ZFPM1: variants seen among roughly 807,000 people sequenced by gnomAD.
ZFPM1 encodes the protein zinc finger protein, FOG family member 1, also known as zinc finger protein ZFPM1.
In ZFPM1, 28 loss-of-function variants were observed where a neutral mutation model predicts 46.3. The observed-to-expected ratio is 0.60, with a 90% CI of 0.45 to 0.83. The LOEUF (loss-of-function observed/expected upper bound fraction) is 0.83, where lower values mean the gene tolerates loss of function less well. ZFPM1 is among the 40% of genes least tolerant of loss of function. ZFPM1 has a pLI of 0.00. For missense variants in ZFPM1, 1,878 were observed against 1,432.4 expected, an observed-to-expected ratio of 1.31 and a Z score of -5.02; for synonymous variants, 957 against 675.9, an observed-to-expected ratio of 1.42 and a Z score of -6.45.
intron 3 of ZFPM1, among the ~76,000 whole-genome samples, chr16:88,495,301 G>C (rs755533434): frequency 3.9e-5 from 6 of 152,184 alleles, no homozygotes; most frequent in Non-Finnish European, 8.8e-5. Flanking sequence ...CGAAGAGCGT[G>C]GGGGCTGGAC....
chr16:88,453,810 C>T, intron 1 of ZFPM1, 132 bp downstream of exon 1: 2 of 491,192 alleles, frequency 4.1e-6, no homozygotes, highest in Non-Finnish European at 2.7e-6. Flanking sequence ...GCGCCCCCCG[C>T]GCTGTGCCAA....
intron 1 of ZFPM1, among the ~76,000 whole-genome samples, chr16:88,472,546 G>A (rs993193005): frequency 6.6e-6 from 1 of 152,090 alleles, no homozygotes; most frequent in African/African-American, 2.4e-5. Flanking sequence ...TAGAGACGGG[G>A]TTTCACCCTG....
chr16:88,488,601 G>A (rs374508736), intron 2 of ZFPM1, among the ~76,000 whole-genome samples: 62 of 152,248 alleles, frequency 4.1e-4, no homozygotes, highest in African/African-American at 1.3e-3. Flanking sequence ...TTATGGGATC[G>A]CATCGATCGG....
intron 3 of ZFPM1, among the ~76,000 whole-genome samples, chr16:88,502,197 TC>T (rs1205773013): frequency 6.6e-6 from 1 of 151,928 alleles, no homozygotes; most frequent in Non-Finnish European, 1.5e-5. Context: ...ATAAGATCGG[TC>T]CCCGGAGATG....
In ZFPM1 at chr16:88,526,800, CCCTCCCCCCCCAGAGCCCAG is replaced by C; in HGVS notation, c.403-11_411del. The C allele has an allele frequency of 8.0e-7, 1 of 1,255,734 alleles. No homozygotes were observed. The highest frequency in any genetic ancestry group is 1.1e-6 in the Non-Finnish European group (1 of 925,484). 77.8% of individuals were successfully genotyped at this position (1,255,734 alleles called of 1,614,324 possible). A position where few individuals can be genotyped will look rare whatever the true frequency, so the allele number is the denominator to read the frequency against. ...ACGGACCCCTCCCCACGTGTTCCTA[CCCTCCCCCCCCAGAGCCCAG>C]CCCTGACCCTGCTGCTGGTGGACGA... is the stretch of plus-strand genomic sequence containing the variant. On this transcript the variant is annotated splice_acceptor_variant and splice_polypyrimidine_tract_variant and coding_sequence_variant and intron_variant, in exon 5 of 10. Transcript: ENST00000319555. LOFTEE classifies it high-confidence loss of function.
At chr16:88,507,560 G>T (rs1910729706) in intron 3 of ZFPM1, among the ~76,000 whole-genome samples, 1 of 152,202 alleles carries the variant, frequency 6.6e-6, no homozygotes, top group South Asian at 2.1e-4. Flanking sequence ...GCTGGACGGG[G>T]TATGACTCAG....
intron 1 of ZFPM1, among the ~76,000 whole-genome samples, chr16:88,462,792 C>T (rs1208417722): frequency 6.6e-6 from 1 of 152,164 alleles, no homozygotes; most frequent in African/African-American, 2.4e-5. Flanking sequence ...CAGGGTTGCC[C>T]GGTCTTCGTG....
chr16:88,534,270 C>G lies in ZFPM1; in HGVS notation c.2312C>G (p.Pro771Arg). 3 of 1,123,906 alleles carry G rather than the reference C, an allele frequency of 2.7e-6. No homozygotes were observed. The highest frequency in any genetic ancestry group is 3.3e-6 in the Non-Finnish European group (3 of 922,972). The allele number at this position is 1,123,906 out of a possible 1,614,324, so 69.6% of individuals were successfully genotyped here. Residue 771 changes from proline (P) to arginine (R), a missense_variant, in exon 10 of 10, where the codon CCC (proline) becomes CGC (arginine). Coordinates refer to ENST00000319555, the MANE Select transcript of ZFPM1 (RefSeq NM_153813.3). ...GCCCCCGCGCCCGAGTCGCCGCGGC[C>G]CGGAAGCGGAAGCGGAAGCGGCCCC... Reference protein sequence around the residue: ...GHAPAPESPRPGSGSGSGPGL... With the variant: ...GHAPAPESPRRGSGSGSGPGL...
At chr16:88,511,109 G>A (rs1910934589) in intron 3 of ZFPM1, among the ~76,000 whole-genome samples, 1 of 152,198 alleles carries the variant, frequency 6.6e-6, no homozygotes, top group South Asian at 2.1e-4. Context: ...ACCAGTCACA[G>A]GAGGCTGGCA....
upstream of ZFPM1, chr16:88,453,209 C>T (rs1220092305): frequency 8.1e-6 from 1 of 123,018 alleles, no homozygotes; most frequent in African/African-American, 3.1e-5. Flanking sequence ...GGGGCGGGGC[C>T]GGAGCGCCGG....
Position 88,535,630 on chromosome 16 carries a change from G to C in ZFPM1, c.*651G>C, listed in dbSNP as rs1913217162. On this transcript the variant is annotated 3_prime_UTR_variant, in exon 10 of 10. Coordinates refer to ENST00000319555, the MANE Select transcript of ZFPM1 (RefSeq NM_153813.3). ...CTGGGGGAAGAACAGGCGAGTAGGT[G>C]GACAGGAGAGGGAGACCGAGGCCGA... is the stretch of plus-strand genomic sequence containing the variant. The C allele has an allele frequency of 6.6e-6, 1 of 152,418 alleles. No homozygotes were observed. The highest frequency in any genetic ancestry group is 2.4e-5 in the African/African-American group (1 of 41,470). 9.4% of individuals were successfully genotyped at this position (152,418 alleles called of 1,614,324 possible).
intron 3 of ZFPM1, among the ~76,000 whole-genome samples, chr16:88,502,065 C>T (rs1370195694): frequency 0.029 from 2,124 of 72,776 alleles, 34 homozygotes; most frequent in East Asian, 0.095. Context: ...CGCCCCCCCC[C>T]ATTTATTTAT....
At chr16:88,528,501 C>G (rs9938429) in intron 6 of ZFPM1, among the ~76,000 whole-genome samples, 123,465 of 152,248 alleles carry the variant, frequency 0.81, 52,115 homozygotes, top group Non-Finnish European at 0.92. Context: ...GGCTCTGCCC[C>G]GCACACCACA....
At chr16:88,504,987 T>A (rs1000738914) in intron 3 of ZFPM1, among the ~76,000 whole-genome samples, 2 of 152,188 alleles carry the variant, frequency 1.3e-5, no homozygotes, top group Non-Finnish European at 2.9e-5. Context: ...CGGTCCCAGC[T>A]CTGCCATTAG....
At chr16:88,505,222 G>A (rs74035515) in intron 3 of ZFPM1, among the ~76,000 whole-genome samples, 13,243 of 152,238 alleles carry the variant, frequency 0.087, 702 homozygotes, top group African/African-American at 0.14. Flanking sequence ...CCCAGGCTTG[G>A]CCAAGCCAAG....
chr16:88,526,788 C>G lies in ZFPM1; in HGVS notation c.403-26C>G, dbSNP rs375757040. 79 of 1,515,140 alleles carry G rather than the reference C, an allele frequency of 5.2e-5. No homozygotes were observed. In the African/African-American group the frequency reaches 9.3e-4, roughly 18 times the overall value. 93.9% of individuals were successfully genotyped at this position (1,515,140 alleles called of 1,614,324 possible). On this transcript the variant is annotated intron_variant, in intron 4 of 9. Transcript: ENST00000319555. ...GGCAGGCTGCTGACGGACCCCTCCC[C>G]ACGTGTTCCTACCCTCCCCCCCCAG...
At chr16:88,527,990 T>TTAA in intron 5 of ZFPM1, 42 bp from the exon 6 acceptor site, 1 of 1,491,582 alleles carries the variant, frequency 6.7e-7, no homozygotes, top group Non-Finnish European at 9.0e-7. Context: ...GACAGGGAAG[T>TTAA]GGGGCACAAA....
intron 1 of ZFPM1, among the ~76,000 whole-genome samples, chr16:88,474,732 C>T (rs7196578): frequency 0.39 from 58,674 of 152,094 alleles, 11,792 homozygotes; most frequent in East Asian, 0.56. Context: ...GTCCGAGCCT[C>T]CGCGGCATCC....
At chr16:88,494,400 A>G (rs1909807767) in intron 3 of ZFPM1, among the ~76,000 whole-genome samples, 1 of 152,070 alleles carries the variant, frequency 6.6e-6, no homozygotes, top group Admixed American at 6.5e-5. Context: ...GGGATCCACC[A>G]GTGGGGTTGT....
Sources: gnomAD v4.1 joint callset for allele counts (sites outside exome capture counted in the v4.1 genomes callset) on GRCh38, gnomAD v4.1.1 for gene constraint, MANE v1.5 for transcripts, NCBI Gene and HGNC (gene_info 2026-07-23, HGNC 2026-07-21) for gene names.